LARGE1: variants seen among roughly 807,000 people sequenced by gnomAD.
LARGE1 encodes the protein LARGE xylosyl- and glucuronyltransferase 1, also known as xylosyl- and glucuronyltransferase LARGE1.
Under a neutral mutation model 87.6 loss-of-function variants are expected in LARGE1, and 43 were observed. The ratio of observed to expected loss-of-function variants is 0.49; its 90% CI spans 0.38 to 0.63. LARGE1 has a LOEUF of 0.63. Ranked by LOEUF, LARGE1 falls within the 30% of genes least tolerant of loss-of-function variation. The probability of loss-of-function intolerance (pLI) is 0.00; values close to 1 mark genes in which losing one functional copy is unlikely to be tolerated. For synonymous variants in LARGE1, 434 were observed against 394.6 expected (o/e 1.10, Z -1.18); for missense variants, 802 against 1,000.2 (o/e 0.80, Z 2.67).
At chr22:33,192,531 A>G (rs1382787686) in intron 11 of LARGE1, among the ~76,000 whole-genome samples, 1 of 152,102 alleles carries the variant, frequency 6.6e-6, no homozygotes, top group Non-Finnish European at 1.5e-5. Context: ...TTTACTTGCT[A>G]TTGAATTGTA....
At chr22:33,869,308 T>C (rs145213206) in intron 1 of LARGE1, among the ~76,000 whole-genome samples, 3 of 152,192 alleles carry the variant, frequency 2.0e-5, no homozygotes, top group Admixed American at 6.5e-5. Context: ...ACTCTCAGAG[T>C]TGGCATTAAG....
chr22:33,731,517 C>T (rs201970470), intron 2 of LARGE1, among the ~76,000 whole-genome samples: 6 of 152,130 alleles, frequency 3.9e-5, no homozygotes, highest in African/African-American at 1.2e-4. Context: ...ATTTGAAGAG[C>T]GTGTAATAAC....
At chr22:33,648,435 G>A (rs184985756) in intron 3 of LARGE1, among the ~76,000 whole-genome samples, 40 of 151,916 alleles carry the variant, frequency 2.6e-4, no homozygotes, top group Non-Finnish European at 4.3e-4. Context: ...GTGTAAATAC[G>A]CTTGGAGAAA....
chr22:33,554,175 C>T lies in LARGE1; in HGVS notation c.787+10673G>A, dbSNP rs117472716. On this transcript the variant is annotated intron_variant, in intron 6 of 14. Coordinates refer to ENST00000397394, the MANE Select transcript of LARGE1 (RefSeq NM_133642.5). Reference sequence around the variant, plus strand: ...CAGCATCCGTTCCGTTGCTCCCCCTCGCAAATCACAGCTTGCCAATCACAC... The same window carrying T: ...CAGCATCCGTTCCGTTGCTCCCCCTTGCAAATCACAGCTTGCCAATCACAC... Among the ~76,000 whole-genome samples the T allele has an allele frequency of 1.9e-4, 29 of 152,226 alleles. 2 individuals are homozygous for T. The East Asian group carries it at 5.6e-3, about 29-fold the overall frequency.
rs540243198 is a variant in LARGE1, at chr22:33,170,479, G to A, written c.1731-3647C>T. Among the ~76,000 whole-genome samples, 150 of 152,266 alleles carry A rather than the reference G, an allele frequency of 9.9e-4. 1 individual carries two copies. Among genetic ancestry groups the A allele is most frequent in the Non-Finnish European group, 1.9e-3 (127 of 68,034 alleles). Reference sequence around the variant, plus strand: ...TCTCATCTGGAATTGTAATCCCCATGTGTCGGAGGAGAGACTGGTGGGAGG... The same window carrying A: ...TCTCATCTGGAATTGTAATCCCCATATGTCGGAGGAGAGACTGGTGGGAGG... On this transcript the variant is annotated intron_variant, in intron 11 of 11. Coordinates refer to the LARGE1 transcript ENST00000608642.
chr22:33,116,718 G>A, the LARGE1 span, among the ~76,000 whole-genome samples: 1 of 152,170 alleles, frequency 6.6e-6, no homozygotes, highest in Non-Finnish European at 1.5e-5. Context: ...ACAGCCTCAT[G>A]CTCTGGGTTG....
chr22:33,349,361 C>T (rs1940134667), intron 9 of LARGE1, among the ~76,000 whole-genome samples: 1 of 152,188 alleles, frequency 6.6e-6, no homozygotes, highest in East Asian at 1.9e-4. Context: ...TATAGGTGTT[C>T]ACCATGGAGC....
chr22:33,756,898 T>G (rs1273653347), intron 2 of LARGE1, among the ~76,000 whole-genome samples: 1 of 151,842 alleles, frequency 6.6e-6, no homozygotes, highest in Non-Finnish European at 1.5e-5. Context: ...CAACAGGAGG[T>G]GGCAACCGAG....
intron 5 of LARGE1, among the ~76,000 whole-genome samples, chr22:33,568,816 A>G (rs927594400): frequency 5.9e-5 from 9 of 151,976 alleles, no homozygotes; most frequent in African/African-American, 2.2e-4. Context: ...TAATAGGTAC[A>G]AAACACATAT....
At chr22:33,097,179 A>G in the LARGE1 span, among the ~76,000 whole-genome samples, 12 of 152,328 alleles carry the variant, frequency 7.9e-5, no homozygotes, top group East Asian at 2.3e-3. Flanking sequence ...ACAGCACTGG[A>G]GGAAGAGATG....
At chr22:33,221,311 T>A (rs1925447900) in intron 11 of LARGE1, among the ~76,000 whole-genome samples, 1 of 152,154 alleles carries the variant, frequency 6.6e-6, no homozygotes, top group Non-Finnish European at 1.5e-5. Flanking sequence ...CTGTGCCGGT[T>A]TTTTTCCGTA....
At chr22:33,387,420 C>A (rs2065364230) in intron 7 of LARGE1, among the ~76,000 whole-genome samples, 1 of 100,288 alleles carries the variant, frequency 1.0e-5, no homozygotes, top group Non-Finnish European at 1.8e-5. Flanking sequence ...GAGTGAGACT[C>A]TGTCTCAAAA....
intron 1 of LARGE1, among the ~76,000 whole-genome samples, chr22:33,854,024 G>C (rs1472935690): frequency 6.6e-6 from 1 of 152,036 alleles, no homozygotes; most frequent in African/African-American, 2.4e-5. Context: ...GGCCATACCA[G>C]ACAGTCCTTG....
At chr22:33,635,323 T>C (rs2149112955) in intron 3 of LARGE1, among the ~76,000 whole-genome samples, 1 of 152,184 alleles carries the variant, frequency 6.6e-6, no homozygotes, top group African/African-American at 2.4e-5. Context: ...TTACAAATGG[T>C]AGCAGTTCTG....
intron 5 of LARGE1, among the ~76,000 whole-genome samples, chr22:33,583,433 C>T (rs1602560353): frequency 6.6e-6 from 1 of 152,208 alleles, no homozygotes; most frequent in Non-Finnish European, 1.5e-5. Context: ...TTCCTGCCCT[C>T]AGGATCCATA....
intron 6 of LARGE1, among the ~76,000 whole-genome samples, chr22:33,528,048 G>A (rs966655542): frequency 1.4e-5 from 2 of 144,804 alleles, no homozygotes; most frequent in African/African-American, 5.1e-5. Context: ...AAACCCATAT[G>A]AGTAAAATAT....
intron 2 of LARGE1, chr22:33,744,165 G>A (rs974974061): frequency 1.3e-5 from 2 of 152,114 alleles, no homozygotes; most frequent in African/African-American, 2.4e-5. Context: ...CCTCAAAAAC[G>A]AAAGGAATAA....
chr22:33,922,082 G>T (rs2065962736), upstream of LARGE1, among the ~76,000 whole-genome samples: 1 of 152,072 alleles, frequency 6.6e-6, no homozygotes, highest in Non-Finnish European at 1.5e-5. Context: ...CCTCTCCCCA[G>T]CCGGGCGGGC....
chr22:33,484,312 T>C (rs1370738765), intron 6 of LARGE1, among the ~76,000 whole-genome samples: 1 of 152,194 alleles, frequency 6.6e-6, no homozygotes, highest in Admixed American at 6.5e-5. Flanking sequence ...AATGTAATGA[T>C]TATATAAGAA....
Sources: allele counts gnomAD v4.1 joint callset (sites outside exome capture counted in the v4.1 genomes callset), GRCh38; gene constraint gnomAD v4.1.1; transcripts MANE v1.5; gene names NCBI Gene and HGNC (gene_info 2026-07-23, HGNC 2026-07-21).